Variants in DOCK11 observed in about 807,000 individuals in gnomAD.
DOCK11 encodes dedicator of cytokinesis protein 11.
A neutral mutation model predicts 169.1 loss-of-function variants in DOCK11; 70 were observed. The ratio of observed to expected loss-of-function variants is 0.41; its 90% CI spans 0.34 to 0.51. The LOEUF (loss-of-function observed/expected upper bound fraction) is 0.51. DOCK11 is among the 20% of genes least tolerant of loss of function. DOCK11 has a pLI of 0.10. For missense variants in DOCK11, 1,166 were observed against 1,538.8 expected (o/e 0.76, Z 4.05); for synonymous variants, 529 against 541.3 (o/e 0.98, Z 0.32).
intron 6 of DOCK11, 100 bp downstream of exon 6, chrX:118,546,216 A>C (rs1262217083): frequency 2.6e-4 from 89 of 346,754 alleles, no homozygotes; most frequent in Admixed American, 8.7e-4. Flanking sequence ...CTAGCAAAAA[A>C]AAAAAAAAAA....
chrX:118,655,258 G>T lies in DOCK11; in HGVS notation c.4969+297G>T, dbSNP rs751092067. On this transcript the variant is annotated intron_variant, in intron 44 of 52. Transcript: ENST00000276202. ...AAGGCTGGAGGATTGCTTGAGGCCA[G>T]GAGTTTGAGACCAGCCTGGGCAACA... Among the ~76,000 whole-genome samples, 29 of 110,945 alleles carry T rather than the reference G, an allele frequency of 2.6e-4. 1 individual carries two copies. The highest frequency in any genetic ancestry group is 4.9e-4 in the Non-Finnish European group (26 of 52,965).
At chrX:118,537,217 T>G (rs941252487) in intron 1 of DOCK11, among the ~76,000 whole-genome samples, 3 of 111,683 alleles carry the variant, frequency 2.7e-5, no homozygotes, top group African/African-American at 6.5e-5. Flanking sequence ...AAACTCAGTT[T>G]GGAGGATGGG....
In DOCK11 at chrX:118,531,314, G is replaced by A. The variant is rs559080319; in HGVS notation, c.103-11411G>A. On this transcript the variant is annotated intron_variant, in intron 1 of 52. Coordinates refer to ENST00000276202, the MANE Select transcript of DOCK11 (RefSeq NM_144658.4). Reference sequence around the variant, plus strand: ...ACAAAAATAAAAAAGAAATAGCCAGGTATGGTGGTGGATGACTGTGGTCCC... The same window carrying A: ...ACAAAAATAAAAAAGAAATAGCCAGATATGGTGGTGGATGACTGTGGTCCC... Among the ~76,000 whole-genome samples, 17 of 102,122 alleles carry A rather than the reference G, an allele frequency of 1.7e-4. No individual in the cohort carries two copies. In the South Asian group the frequency reaches 8.2e-3, roughly 49 times the overall value. 88.7% of individuals were successfully genotyped at this position (102,122 alleles called of 115,157 possible). A position where few individuals can be genotyped will look rare whatever the true frequency, so the allele number is the denominator to read the frequency against.
Position 118,638,101 on chromosome X carries a change from A to G in DOCK11, c.3975A>G (p.Arg1325=), listed in dbSNP as rs1188313356. The part of the protein sequence containing the change: ...ILLEVCLFHF[R]YMGKRNIARV... ...CTAGAGTATGCTTGTTTCACTTTAG[A>G]TATATGGGGAAAAGAAACATAGCAA... Residue 1325 remains arginine, a synonymous_variant, in exon 37 of 53, where the codon AGA becomes AGG. Coordinates refer to ENST00000276202, the MANE Select transcript of DOCK11 (RefSeq NM_144658.4). 1 of 1,205,523 alleles carries G rather than the reference A, an allele frequency of 8.3e-7. No individual in the cohort carries two copies. Among genetic ancestry groups the G allele is most frequent in the African/African-American group, 1.8e-5 (1 of 57,067 alleles).
chrX:118,685,502 G>T, intron 52 of DOCK11, 186 bp from the exon 53 acceptor site: 1 of 425,574 alleles, frequency 2.3e-6, no homozygotes, highest in Non-Finnish European at 3.6e-6. Context: ...TTTTTGATAT[G>T]CTGCCTTTGT....
At chrX:118,606,173 G>A (rs1378196979) in intron 24 of DOCK11, among the ~76,000 whole-genome samples, 1 of 103,498 alleles carries the variant, frequency 9.7e-6, no homozygotes, top group Admixed American at 1.1e-4. Context: ...GGGTTCAAGC[G>A]ATTCTTCTGC....
chrX:118,569,873 G>A (rs1241646643), intron 10 of DOCK11, among the ~76,000 whole-genome samples: 1 of 111,516 alleles, frequency 9.0e-6, no homozygotes, highest in African/African-American at 3.3e-5. Context: ...CTAGTTGGAC[G>A]TGTTAGGCTG....
chrX:118,565,287 G>T (rs979709441), intron 7 of DOCK11, among the ~76,000 whole-genome samples: 1 of 111,314 alleles, frequency 9.0e-6, no homozygotes, highest in Non-Finnish European at 1.9e-5. Context: ...CATATTTTGG[G>T]GGTACATGTG....
At chrX:118,681,543 GT>G (rs1003286627) in intron 50 of DOCK11, 150 bp from the exon 51 acceptor site, 6 of 430,572 alleles carry the variant, frequency 1.4e-5, no homozygotes, top group Admixed American at 1.1e-4. Flanking sequence ...TTAGTTAATG[GT>G]TTTTTGAAAT....
intron 28 of DOCK11, among the ~76,000 whole-genome samples, chrX:118,611,818 G>A (rs1401565257): frequency 2.7e-5 from 3 of 110,671 alleles, no homozygotes; most frequent in African/African-American, 6.6e-5. Flanking sequence ...GCACTGGTGC[G>A]ATCTCAGCTC....
rs1271621822 is a variant in DOCK11 at position 118,549,082 on chromosome X, T to C, written c.558+2966T>C. Among the ~76,000 whole-genome samples the C allele has an allele frequency of 4.3e-5, 4 of 91,962 alleles. No individual in the cohort carries two copies. In the South Asian group the frequency reaches 1.3e-3, roughly 30 times the overall value. The allele number at this position is 91,962 out of a possible 115,157, so 79.9% of individuals were successfully genotyped here. ...TGAGCTAGGCTCTTTGCTTTGCCTC[T>C]TTTTATCCTCAGCTGCTCATATTCT... is the stretch of plus-strand genomic sequence containing the variant. On this transcript the variant is annotated intron_variant, in intron 6 of 52. Coordinates refer to ENST00000276202, the MANE Select transcript of DOCK11 (RefSeq NM_144658.4).
At chrX:118,568,844 T>G (rs1388613310) in intron 10 of DOCK11, among the ~76,000 whole-genome samples, 1 of 111,612 alleles carries the variant, frequency 9.0e-6, no homozygotes, top group East Asian at 2.8e-4. Flanking sequence ...ATTACAAATA[T>G]TTTTCCTAAT....
At chrX:118,543,460 A>G (rs2012108490) in intron 3 of DOCK11, 51 bp from the exon 4 acceptor site, 2 of 1,015,193 alleles carry the variant, frequency 2.0e-6, no homozygotes, top group South Asian at 2.0e-5. Context: ...AAAAGTGGAT[A>G]TATATGTACT....
intron 1 of DOCK11, among the ~76,000 whole-genome samples, chrX:118,513,154 C>T (rs1293295702): frequency 8.9e-6 from 1 of 112,023 alleles, no homozygotes; most frequent in East Asian, 2.8e-4. Flanking sequence ...CTCCTTCTCT[C>T]CCCTTCTCAT....
intron 13 of DOCK11, 60 bp from the exon 14 acceptor site, chrX:118,580,037 C>G: frequency 1.0e-6 from 1 of 969,901 alleles, no homozygotes. Flanking sequence ...AATTATTTTT[C>G]TGGGTGGGTC....
chrX:118,685,443 C>A, intron 52 of DOCK11: 1 of 283,820 alleles, frequency 3.5e-6, no homozygotes, highest in Non-Finnish European at 6.1e-6. Flanking sequence ...TTGAATTTTG[C>A]ATTTTACAGT....
At chrX:118,519,722 C>T (rs1477848101) in intron 1 of DOCK11, among the ~76,000 whole-genome samples, 3 of 111,871 alleles carry the variant, frequency 2.7e-5, no homozygotes, top group African/African-American at 9.8e-5. Context: ...GGGCAAATCA[C>T]GTCATTTCAC....
In DOCK11 at chrX:118,597,861, A is replaced by G. The variant is rs182181504; in HGVS notation, c.2386-169A>G. ...ATAGTCTGCAAAGGATTGGAAATGT[A>G]AAATGATTTATGATACATTTATTCT... On this transcript the variant is annotated intron_variant, in intron 21 of 52. Coordinates refer to ENST00000276202, the MANE Select transcript of DOCK11 (RefSeq NM_144658.4). Among the ~76,000 whole-genome samples the G allele has an allele frequency of 3.1e-3, 349 of 112,229 alleles. 3 individuals carry two copies. Among genetic ancestry groups the G allele is most frequent in the African/African-American group, 0.01 (325 of 30,957 alleles).
At chrX:118,566,704 G>A in intron 9 of DOCK11, 51 bp downstream of exon 9, 1 of 1,066,698 alleles carries the variant, frequency 9.4e-7, no homozygotes, top group Non-Finnish European at 1.3e-6. Flanking sequence ...TGCAGGATTA[G>A]CTATTAAAGT....
Sources: allele counts gnomAD v4.1 joint callset (sites outside exome capture counted in the v4.1 genomes callset), GRCh38; gene constraint gnomAD v4.1.1; transcripts MANE v1.5; gene names NCBI Gene and HGNC (gene_info 2026-07-23, HGNC 2026-07-21).